Variants in LCA5L observed in about 807,000 individuals in gnomAD.
LCA5L encodes lebercilin-like protein.
Under a neutral mutation model 45.4 loss-of-function variants are expected in LCA5L, and 35 were observed. The ratio of observed to expected loss-of-function variants is 0.77; its 90% CI spans 0.59 to 1.02. The LOEUF is 1.02. LCA5L is among the 50% of genes least tolerant of loss of function. LCA5L has a pLI of 0.00. For synonymous variants in LCA5L, 233 were observed against 264.7 expected (o/e 0.88, Z 1.16); for missense variants, 668 against 761.6 (o/e 0.88, Z 1.45).
At chr21:39,428,896 G>A (rs1017724550) in intron 4 of LCA5L, among the ~76,000 whole-genome samples, 2 of 151,630 alleles carry the variant, frequency 1.3e-5, no homozygotes, top group Non-Finnish European at 2.9e-5. Flanking sequence ...TTACAGGCGT[G>A]AGCCACCATG....
intron 7 of LCA5L, among the ~76,000 whole-genome samples, chr21:39,418,940 T>A (rs2041790015): frequency 6.6e-6 from 1 of 152,214 alleles, no homozygotes; most frequent in South Asian, 2.1e-4. Flanking sequence ...AAGTCTCTTC[T>A]GTTAGATTTC....
At chr21:39,423,764 T>C (rs2074143009) in intron 5 of LCA5L, among the ~76,000 whole-genome samples, 1 of 152,224 alleles carries the variant, frequency 6.6e-6, no homozygotes, top group African/African-American at 2.4e-5. Context: ...TGTCCAAGAT[T>C]ACATAGCCAC....
chr21:39,424,636 A>G (rs2074332404), intron 5 of LCA5L, among the ~76,000 whole-genome samples: 1 of 152,370 alleles, frequency 6.6e-6, no homozygotes. Flanking sequence ...AATCCAATGT[A>G]AAGAACTTAT....
At position 39,406,574 on chromosome 21, in the gene LCA5L, G is replaced by A. The variant is rs150413866; in HGVS notation, c.1321C>T (p.Leu441=). 6 of 1,594,008 alleles carry A rather than the reference G, an allele frequency of 3.8e-6. No individual in the cohort carries two copies. Among genetic ancestry groups the A allele is most frequent in the Middle Eastern group, 1.7e-4 (1 of 5,978 alleles). ...TTTTGTCTTCCAGTATTCTCCAGCA[G>A]TATTTGGACTTCCAAATGTTTCTCT... ...GEEKHLEVQI[L]LENTGRQKDK... The change falls in exon 11 of 11, where the codon CTG becomes TTG. Residue 441 remains leucine, a synonymous_variant. Coordinates refer to ENST00000288350, the MANE Select transcript of LCA5L (RefSeq NM_152505.4).
Position 39,422,983 on chromosome 21 carries a change from T to G in LCA5L, c.830A>C (p.Lys277Thr). ...GGCCCCTGAAATACAGACCTGTATT[T>G]TTTTGTCATTTGCGTCCATTTTTGT... is the stretch of plus-strand genomic sequence containing the variant. ...ITTKMDANDK[K>T]IQSLEKQLRL... is the part of the protein sequence containing the mutation. The change falls in exon 6 of 11, where the codon AAA becomes ACA. Residue 277 changes from lysine (K) to threonine (T), a missense_variant. Physicochemically the swap from Lys to Thr is moderately conservative, Grantham distance 78 (BLOSUM62 -1). Transcript: ENST00000288350. The G allele has an allele frequency of 6.2e-7, 1 of 1,613,376 alleles. No homozygotes were observed. The highest frequency in any genetic ancestry group is 8.5e-7 in the Non-Finnish European group (1 of 1,179,842).
At chr21:39,439,064 G>C (rs561416343) in intron 2 of LCA5L, 1 of 152,258 alleles carries the variant, frequency 6.6e-6, no homozygotes, top group South Asian at 2.1e-4. Context: ...AGATTATCTT[G>C]AGTTATCCCA....
rs1057349551 is a variant in LCA5L, at chr21:39,405,929, T to C, written c.1966A>G (p.Ile656Val). 8.1e-6 allele frequency: 13 copies of C among 1,610,912 alleles called. No individual in the cohort carries two copies. Among genetic ancestry groups the C allele is most frequent in the South Asian group, 3.3e-5 (3 of 90,894 alleles). The change falls in exon 11 of 11, where the codon ATT becomes GTT. Residue 656 changes from isoleucine to valine, a missense_variant. Physicochemically the swap from Ile to Val is conservative, Grantham distance 29 (BLOSUM62 3). Transcript: ENST00000288350. ...GDSKVTVVNS[I>V]KPSSPTEGKR... ...CCTTCTGTAGGTGACGATGGCTTAA[T>C]AGAATTTACCACAGTTACTTTAGAG...
chr21:39,422,323 A>T (rs557732181), intron 6 of LCA5L: 1 of 152,276 alleles, frequency 6.6e-6, no homozygotes, highest in African/African-American at 2.4e-5. Context: ...TCTTAATATG[A>T]TATCAATGCC....
chr21:39,424,925 A>G (rs2074393982), intron 5 of LCA5L, among the ~76,000 whole-genome samples: 1 of 152,250 alleles, frequency 6.6e-6, no homozygotes, highest in East Asian at 1.9e-4. Flanking sequence ...AGATAAACAC[A>G]TGGAAGCTTG....
chr21:39,424,291 G>C lies in LCA5L; in HGVS notation c.323-801C>G, dbSNP rs142986097. 5.6e-3 allele frequency among the ~76,000 whole-genome samples: 854 copies of C among 152,294 alleles called. 2 individuals are homozygous for C. Among genetic ancestry groups the C allele is most frequent in the Middle Eastern group, 0.014 (4 of 294 alleles). On this transcript the variant is annotated intron_variant, in intron 5 of 10. Transcript: ENST00000288350. Reference sequence around the variant, plus strand: ...GGCCTCCCAAAGTGCTGGGATTACAGGTGGGAGCCATTGTGCCCGGCCTCT... The same window carrying C: ...GGCCTCCCAAAGTGCTGGGATTACACGTGGGAGCCATTGTGCCCGGCCTCT...
In LCA5L at chr21:39,411,301, C is replaced by T. The variant is rs185614472; in HGVS notation, c.1060+417G>A. On this transcript the variant is annotated intron_variant, in intron 8 of 10. Coordinates refer to ENST00000288350, the MANE Select transcript of LCA5L (RefSeq NM_152505.4). The stretch of plus-strand genomic sequence containing the variant: ...ATCTTGATTGGGGTGGTGGCTCCAT[C>T]GGTATAAACATCTGTCAAAACCCAC... 3.8e-4 allele frequency among the ~76,000 whole-genome samples: 58 copies of T among 152,186 alleles called. No individual in the cohort carries two copies. The East Asian group carries it at 0.011, about 28-fold the overall frequency.
At chr21:39,431,295 T>G (rs1292660154) in intron 3 of LCA5L, among the ~76,000 whole-genome samples, 1 of 152,158 alleles carries the variant, frequency 6.6e-6, no homozygotes, top group Non-Finnish European at 1.5e-5. Context: ...TAGCTAGAAG[T>G]AATTGTAGCT....
At chr21:39,419,675 A>G (rs1312112432) in intron 7 of LCA5L, among the ~76,000 whole-genome samples, 1 of 152,088 alleles carries the variant, frequency 6.6e-6, no homozygotes, top group Non-Finnish European at 1.5e-5. Flanking sequence ...AATCCTTGTG[A>G]ATGGGATTAG....
chr21:39,411,897 T>C (rs991330501), intron 7 of LCA5L, 95 bp from the exon 8 acceptor site: 24 of 663,580 alleles, frequency 3.6e-5, no homozygotes, highest in Non-Finnish European at 5.3e-5. Flanking sequence ...CAGTATCCTA[T>C]GAATAAAATC....
chr21:39,433,646 T>C (rs1281789260), intron 3 of LCA5L, among the ~76,000 whole-genome samples: 3 of 152,296 alleles, frequency 2.0e-5, no homozygotes, highest in East Asian at 3.9e-4. Context: ...TCAATTGCCT[T>C]TGCATCTTTG....
chr21:39,435,781 G>A (rs569364740), intron 2 of LCA5L, among the ~76,000 whole-genome samples: 124 of 152,020 alleles, frequency 8.2e-4, no homozygotes, highest in African/African-American at 3.0e-3. Flanking sequence ...GATTACAGGC[G>A]CCCGCCACCA....
chr21:39,405,861 G>A lies in LCA5L; in HGVS notation c.*21C>T. 6.7e-7 allele frequency: 1 copy of A among 1,501,376 alleles called. No individual in the cohort carries two copies. The highest frequency in any genetic ancestry group is 1.2e-5 in the South Asian group (1 of 80,884). The allele number at this position is 1,501,376 out of a possible 1,614,324, so 93.0% of individuals were successfully genotyped here. A position where few individuals can be genotyped will look rare whatever the true frequency, so the allele number is the denominator to read the frequency against. On this transcript the variant is annotated 3_prime_UTR_variant, in exon 11 of 11. Coordinates refer to ENST00000288350, the MANE Select transcript of LCA5L (RefSeq NM_152505.4). ...AAGCAGCATTATATCAAACCAGAAT[G>A]CATTAGGATATTGATTATATTTAAA... is the stretch of plus-strand genomic sequence containing the variant.
chr21:39,428,310 T>C lies in LCA5L; in HGVS notation c.184A>G (p.Ser62Gly). 6.2e-7 allele frequency: 1 copy of C among 1,613,438 alleles called. No individual in the cohort carries two copies. The highest frequency in any genetic ancestry group is 8.5e-7 in the Non-Finnish European group (1 of 1,179,596). The part of the protein sequence containing the change: ...SRSQCSCGSL[S>G]SQYDYSEDFL... ...TCTTCTGAATAATCATACTGAGAAC[T>C]TAAACTTCCACAGGAGCACTGAGAT... Residue 62 changes from serine (S) to glycine (G), a missense_variant, in exon 5 of 11, where the codon AGT becomes GGT. By Grantham distance (56) the Ser-to-Gly change is moderately conservative. Coordinates refer to ENST00000288350, the MANE Select transcript of LCA5L (RefSeq NM_152505.4).
At chr21:39,414,719 T>C (rs899569535) in intron 7 of LCA5L, among the ~76,000 whole-genome samples, 1 of 102,484 alleles carries the variant, frequency 9.8e-6, no homozygotes, top group Non-Finnish European at 2.0e-5. Flanking sequence ...TCTCCCTCTC[T>C]CTCTCTCTCT....
Sources: gnomAD v4.1 joint callset for allele counts (sites outside exome capture counted in the v4.1 genomes callset) on GRCh38, gnomAD v4.1.1 for gene constraint, MANE v1.5 for transcripts, NCBI Gene and HGNC (gene_info 2026-07-23, HGNC 2026-07-21) for gene names.